Variants in ARHGEF10 observed in about 807,000 individuals in gnomAD.
ARHGEF10 encodes the protein Rho guanine nucleotide exchange factor (GEF) 10.
Under a neutral mutation model 147.4 loss-of-function variants are expected in ARHGEF10, and 140 were observed. That is an observed-to-expected ratio of 0.95 (90% CI 0.83 to 1.09). The LOEUF (loss-of-function observed/expected upper bound fraction) is 1.09, where lower values mean the gene tolerates loss of function less well. Among genes scored for constraint, ARHGEF10 ranks in the 50% least tolerant of loss-of-function variants. ARHGEF10 has a pLI of 0.00. For synonymous variants in ARHGEF10, 902 were observed against 695.8 expected (o/e 1.30, Z -4.67); for missense variants, 2,222 against 1,752.7 (o/e 1.27, Z -4.78).
intron 2 of ARHGEF10, among the ~76,000 whole-genome samples, chr8:1,854,703 A>AG (rs148008464): frequency 0.019 from 2,951 of 152,270 alleles, 91 homozygotes; most frequent in East Asian, 0.096. Context: ...TTCTACTTAA[A>AG]TTTTACTAGG....
chr8:1,882,713 C>CT lies in ARHGEF10; in HGVS notation c.1039_1040insT (p.Arg347LeufsTer19), dbSNP rs1808314547. The CT allele has an allele frequency of 6.4e-7, 1 of 1,555,592 alleles. No individual in the cohort carries two copies. ...GACCAGGGCAGCCGTGAAGAGGGGCCGCTCCTTCATCAGGACCAAGTCTCT... is the reference window on the plus strand; with the variant it reads ...GACCAGGGCAGCCGTGAAGAGGGGCCTGCTCCTTCATCAGGACCAAGTCTCT... On this transcript the variant is annotated frameshift_variant, in exon 10 of 29. Coordinates refer to ENST00000349830, the MANE Select transcript of ARHGEF10 (RefSeq NM_014629.4). LOFTEE classifies it high-confidence loss of function.
intron 26 of ARHGEF10, among the ~76,000 whole-genome samples, chr8:1,939,001 T>G (rs1416518469): frequency 6.8e-6 from 1 of 146,256 alleles, no homozygotes; most frequent in Non-Finnish European, 1.5e-5. Context: ...CGAACACTGT[T>G]GAATACCAGT....
At position 1,900,765 on chromosome 8, in the gene ARHGEF10, G is replaced by A. The variant is rs962946350; in HGVS notation, c.1650+2240G>A. Among the ~76,000 whole-genome samples the A allele has an allele frequency of 7.2e-5, 11 of 152,170 alleles. 1 individual carries two copies. Among genetic ancestry groups the A allele is most frequent in the Non-Finnish European group, 1.2e-4 (8 of 68,036 alleles). ...TTGGGTGTCAAAAGACTTGCACTTAGAAAGATTCAGTGTGCTCTTCCAGAT... is the reference window on the plus strand; with the variant it reads ...TTGGGTGTCAAAAGACTTGCACTTAAAAAGATTCAGTGTGCTCTTCCAGAT... On this transcript the variant is annotated intron_variant, in intron 15 of 28. Transcript: ENST00000349830.
intron 10 of ARHGEF10, among the ~76,000 whole-genome samples, chr8:1,884,541 G>A (rs973399336): frequency 6.6e-6 from 1 of 152,166 alleles, no homozygotes; most frequent in Non-Finnish European, 1.5e-5. Context: ...GCTGGTGCCA[G>A]GCCCTCCTTC....
chr8:1,845,465 C>T (rs1244731581), intron 2 of ARHGEF10, among the ~76,000 whole-genome samples: 1 of 152,194 alleles, frequency 6.6e-6, no homozygotes, highest in Non-Finnish European at 1.5e-5. Context: ...CCTTGACATG[C>T]TGAGGAGGCG....
chr8:1,916,585 T>C (rs1811776872), intron 18 of ARHGEF10, among the ~76,000 whole-genome samples: 1 of 152,166 alleles, frequency 6.6e-6, no homozygotes, highest in Non-Finnish European at 1.5e-5. Context: ...TGGGAGGAGC[T>C]GCCGTAACGT....
intron 4 of ARHGEF10, among the ~76,000 whole-genome samples, chr8:1,863,462 C>T (rs1434839384): frequency 6.6e-6 from 1 of 152,220 alleles, no homozygotes; most frequent in Admixed American, 6.5e-5. Context: ...AGATAAATTC[C>T]CTTTAGAAAG....
chr8:1,921,404 C>G (rs1038787922), intron 18 of ARHGEF10, among the ~76,000 whole-genome samples: 4 of 152,160 alleles, frequency 2.6e-5, no homozygotes, highest in African/African-American at 4.8e-5. Context: ...AAGGAAAATG[C>G]AGAGTCCTTT....
intron 1 of ARHGEF10, among the ~76,000 whole-genome samples, chr8:1,839,677 A>ACTGT (rs202095067): frequency 0.48 from 42,718 of 89,660 alleles, 10,040 homozygotes; most frequent in East Asian, 0.55. Context: ...TGGTGTGGAA[A>ACTGT]CTGGTGTGGG....
chr8:1,904,500 G>A (rs1454417030), intron 16 of ARHGEF10, among the ~76,000 whole-genome samples: 4 of 152,150 alleles, frequency 2.6e-5, no homozygotes, highest in Non-Finnish European at 5.9e-5. Context: ...TCTCCAAGTG[G>A]TTTATGTAGG....
intron 18 of ARHGEF10, among the ~76,000 whole-genome samples, chr8:1,917,278 C>T (rs1811830381): frequency 6.6e-6 from 1 of 152,192 alleles, no homozygotes; most frequent in South Asian, 2.1e-4. Flanking sequence ...TTTGATGACA[C>T]AATGAAACTT....
At chr8:1,916,285 C>T (rs1331389707) in intron 18 of ARHGEF10, among the ~76,000 whole-genome samples, 1 of 152,228 alleles carries the variant, frequency 6.6e-6, no homozygotes, top group African/African-American at 2.4e-5. Flanking sequence ...GAATCACACA[C>T]GTGTGTCCTA....
chr8:1,900,341 C>T (rs1810352842), intron 15 of ARHGEF10, among the ~76,000 whole-genome samples: 1 of 152,146 alleles, frequency 6.6e-6, no homozygotes, highest in East Asian at 1.9e-4. Context: ...CCACCTTCAG[C>T]CGTCCTGGGG....
In ARHGEF10 at chr8:1,857,908, A is replaced by ATCTG. The variant is rs1177611414; in HGVS notation, c.38-49_38-48insGTCT. The ATCTG allele has an allele frequency of 5.2e-6, 7 of 1,335,460 alleles. No individual in the cohort carries two copies. In the East Asian group the frequency reaches 1.2e-4, roughly 22 times the overall value. The allele number at this position is 1,335,460 out of a possible 1,614,324, so 82.7% of individuals were successfully genotyped here. ...TATCTATCTATCTATCTATCTATCT[A>ATCTG]TCTATCTATCTATCTATCTCTCCTT... On this transcript the variant is annotated intron_variant, in intron 2 of 28. Transcript: ENST00000349830.
intron 18 of ARHGEF10, among the ~76,000 whole-genome samples, chr8:1,916,172 C>T (rs978094557): frequency 2.3e-4 from 35 of 152,018 alleles, no homozygotes; most frequent in African/African-American, 1.9e-4. Context: ...ACACGCAGGA[C>T]GGCCTGTGGA....
rs1283679485 is a variant in ARHGEF10 at position 1,929,456 on chromosome 8, T to C, written c.3079+13T>C. On this transcript the variant is annotated intron_variant, in intron 25 of 28. Coordinates refer to ENST00000349830, the MANE Select transcript of ARHGEF10 (RefSeq NM_014629.4). ...GCCAGAGCCCCAGGTGAGGCGGGTC[T>C]CACGGCCTCCTGGCCGGTCCTTGGG... is the stretch of plus-strand genomic sequence containing the variant. 1 of 1,600,200 alleles carries C rather than the reference T, an allele frequency of 6.2e-7. No individual in the cohort carries two copies. The highest frequency in any genetic ancestry group is 1.3e-5 in the African/African-American group (1 of 74,338).
chr8:1,903,403 T>C lies in ARHGEF10; in HGVS notation c.1773T>C (p.Cys591=), dbSNP rs765366724. 3.7e-5 allele frequency: 60 copies of C among 1,614,092 alleles called. No homozygotes were observed. Among genetic ancestry groups the C allele is most frequent in the Admixed American group, 1.5e-4 (9 of 60,004 alleles). The part of the protein sequence containing the change: ...NERKRDADQR[C]EVKQIAKAIN... The stretch of plus-strand genomic sequence containing the variant: ...GAAAGAGAGATGCTGATCAACGCTG[T>C]GAAGTGAAGCAAATAGCCAAAGCCA... Residue 591 remains cysteine, a synonymous_variant, in exon 16 of 29, where the codon TGT becomes TGC. Coordinates refer to ENST00000349830, the MANE Select transcript of ARHGEF10 (RefSeq NM_014629.4).
At chr8:1,897,474 A>G (rs1004438897) in intron 14 of ARHGEF10, among the ~76,000 whole-genome samples, 6 of 151,212 alleles carry the variant, frequency 4.0e-5, no homozygotes, top group Admixed American at 3.3e-4. Flanking sequence ...GCTCTGTCCT[A>G]AGGGATCGGA....
chr8:1,828,169 G>A (rs1338469906), intron 1 of ARHGEF10, among the ~76,000 whole-genome samples: 3 of 152,260 alleles, frequency 2.0e-5, no homozygotes, highest in Admixed American at 2.0e-4. Flanking sequence ...GGTGAGTCAG[G>A]CTCCTGCAAG....
Sources: allele counts gnomAD v4.1 joint callset (sites outside exome capture counted in the v4.1 genomes callset), GRCh38; gene constraint gnomAD v4.1.1; transcripts MANE v1.5; gene names NCBI Gene and HGNC (gene_info 2026-07-23, HGNC 2026-07-21).